NAALADL2: variants seen among roughly 807,000 people sequenced by gnomAD.
NAALADL2 encodes the protein N-acetylated alpha-linked acidic dipeptidase like 2, also known as inactive N-acetylated-alpha-linked acidic dipeptidase-like protein 2.
NAALADL2 carries 76 observed loss-of-function variants against 87.2 expected under a neutral mutation model. The ratio of observed to expected loss-of-function variants is 0.87; its 90% CI spans 0.72 to 1.05. The LOEUF (loss-of-function observed/expected upper bound fraction) is 1.05. NAALADL2 is among the 50% of genes least tolerant of loss of function. NAALADL2 has a pLI of 0.00. For synonymous variants in NAALADL2, 354 were observed against 331.0 expected (o/e 1.07, Z -0.75); for missense variants, 1,089 against 945.8 (o/e 1.15, Z -1.99).
intron 4 of NAALADL2, among the ~76,000 whole-genome samples, chr3:175,292,593 T>TACAC (rs71164627): frequency 0.091 from 13,198 of 145,242 alleles, 1,589 homozygotes; most frequent in African/African-American, 0.29. Context: ...TGAGTTGGGA[T>TACAC]ACACACACAC....
At chr3:174,822,573 G>GCTAGAGAAAATCAGCTCAGAAAAGT (rs1223628492) in intron 3 of NAALADL2, among the ~76,000 whole-genome samples, 1 of 152,136 alleles carries the variant, frequency 6.6e-6, no homozygotes, top group African/African-American at 2.4e-5. Flanking sequence ...AAGGGAGAAG[G>GCTAGAGAAAATCAGCTCAGAAAAGT]CTAGAGAAAA....
At position 174,801,334 on chromosome 3, in the gene NAALADL2, AAG is replaced by A. The variant is rs140161547; in HGVS notation, c.-9+63591_-9+63592del. 1.3e-4 allele frequency among the ~76,000 whole-genome samples: 20 copies of A among 152,286 alleles called. No individual in the cohort carries two copies. In the East Asian group the frequency reaches 3.9e-3, roughly 29 times the overall value. On this transcript the variant is annotated intron_variant, in intron 3 of 3. Transcript: ENST00000434257. Reference sequence around the variant, plus strand: ...TCTCATGAGATCTGATGGTTTGATAAAGAGGAGTTCCCCTGCACAAGCTCTCT... The same window carrying A: ...TCTCATGAGATCTGATGGTTTGATAAAGGAGTTCCCCTGCACAAGCTCTCT...
intron 1 of NAALADL2, among the ~76,000 whole-genome samples, chr3:175,080,585 A>G (rs76599431): frequency 0.045 from 6,874 of 152,302 alleles, 510 homozygotes; most frequent in African/African-American, 0.16. Context: ...TTTTATATAC[A>G]AAGCATTGAA....
intron 12 of NAALADL2, among the ~76,000 whole-genome samples, chr3:175,747,080 C>A (rs1030617225): frequency 1.3e-5 from 2 of 152,316 alleles, no homozygotes; most frequent in African/African-American, 4.8e-5. Context: ...GCAGCTGGCT[C>A]TTTAAGGCTG....
chr3:175,741,026 AG>A (rs1316107975), intron 12 of NAALADL2, among the ~76,000 whole-genome samples: 2 of 152,134 alleles, frequency 1.3e-5, no homozygotes, highest in African/African-American at 4.8e-5. Flanking sequence ...CACACAAGAG[AG>A]TAAAGGGAGA....
Position 175,262,685 on chromosome 3 carries a change from A to G in NAALADL2, c.939+6155A>G, listed in dbSNP as rs1046063002. ...GGCCAAAAAGATAGGAAAGAAGAGA[A>G]AGACACCTTTCCTATTGAAGCTTTT... On this transcript the variant is annotated intron_variant, in intron 4 of 13. Transcript: ENST00000454872. Among the ~76,000 whole-genome samples, 14 of 151,474 alleles carry G rather than the reference A, an allele frequency of 9.2e-5. No homozygotes were observed. The South Asian group carries it at 1.2e-3, about 13-fold the overall frequency.
chr3:175,187,946 A>G (rs1052480460), intron 2 of NAALADL2, among the ~76,000 whole-genome samples: 22 of 151,966 alleles, frequency 1.4e-4, no homozygotes, highest in African/African-American at 5.3e-4. Flanking sequence ...TTTCTTCTCC[A>G]TTTTTCCTGT....
chr3:175,264,852 G>C (rs570603139), intron 4 of NAALADL2, among the ~76,000 whole-genome samples: 1 of 151,494 alleles, frequency 6.6e-6, no homozygotes, highest in Non-Finnish European at 1.5e-5. Flanking sequence ...TTATAGAATA[G>C]TTTTATTCTA....
intron 1 of NAALADL2, among the ~76,000 whole-genome samples, chr3:174,976,144 ATATAC>A (rs1157961827): frequency 6.6e-6 from 1 of 152,230 alleles, no homozygotes; most frequent in Non-Finnish European, 1.5e-5. Flanking sequence ...TTTACAATTA[ATATAC>A]TATAAAATAT....
At chr3:174,891,661 C>T (rs527326821) in intron 1 of NAALADL2, among the ~76,000 whole-genome samples, 4 of 152,262 alleles carry the variant, frequency 2.6e-5, no homozygotes, top group African/African-American at 7.2e-5. Context: ...TGAGTTCTGG[C>T]AATCCTTGCC....
intron 10 of NAALADL2, among the ~76,000 whole-genome samples, chr3:175,597,077 A>C (rs1560823532): frequency 3.9e-5 from 6 of 151,988 alleles, no homozygotes; most frequent in Non-Finnish European, 1.5e-5. Flanking sequence ...AATGACTTTT[A>C]TTTCTTCTGA....
chr3:174,733,641 CA>C (rs1321653309), intron 2 of NAALADL2, among the ~76,000 whole-genome samples: 2 of 152,180 alleles, frequency 1.3e-5, no homozygotes, highest in Admixed American at 1.3e-4. Flanking sequence ...ACCAGGGGTT[CA>C]GTTTGGGTCC....
intron 3 of NAALADL2, among the ~76,000 whole-genome samples, chr3:174,805,248 T>C (rs572910390): frequency 1.3e-5 from 2 of 152,278 alleles, no homozygotes; most frequent in East Asian, 3.9e-4. Flanking sequence ...CAAAATGTGA[T>C]TAAAAGAATG....
At chr3:175,053,710 G>C (rs1466166548) in intron 1 of NAALADL2, among the ~76,000 whole-genome samples, 1 of 152,178 alleles carries the variant, frequency 6.6e-6, no homozygotes, top group African/African-American at 2.4e-5. Flanking sequence ...GTTTGCCAAA[G>C]AGAATTAGGT....
intron 9 of NAALADL2, among the ~76,000 whole-genome samples, chr3:175,481,020 T>C (rs767619751): frequency 2.0e-5 from 3 of 151,898 alleles, no homozygotes; most frequent in Non-Finnish European, 4.4e-5. Flanking sequence ...CTTTGTGTAA[T>C]GCATGCAGAT....
At chr3:175,217,692 T>G (rs1343980393) in intron 2 of NAALADL2, among the ~76,000 whole-genome samples, 1 of 152,202 alleles carries the variant, frequency 6.6e-6, no homozygotes. Flanking sequence ...AAGCTCTAGT[T>G]TTAACCACAT....
At chr3:175,479,933 A>T (rs1029854849) in intron 9 of NAALADL2, among the ~76,000 whole-genome samples, 11 of 151,780 alleles carry the variant, frequency 7.2e-5, no homozygotes, top group African/African-American at 2.7e-4. Context: ...AAACAATTTC[A>T]ATTCAGCCTA....
At chr3:174,458,632 G>A (rs1029446193) in intron 1 of NAALADL2, 2 of 152,190 alleles carry the variant, frequency 1.3e-5, no homozygotes, top group Non-Finnish European at 2.9e-5. Context: ...GGATTGTGAA[G>A]TCTTTGTCCA....
In NAALADL2 at chr3:175,339,434, T is replaced by C. The variant is rs138184067; in HGVS notation, c.1090+15109T>C. On this transcript the variant is annotated intron_variant, in intron 5 of 13. Coordinates refer to ENST00000454872, the MANE Select transcript of NAALADL2 (RefSeq NM_207015.3). ...TCACTGGAAGGGATCTTAGAGGTTA[T>C]AAATACAATCTGTTCTGTATAAAAA... is the stretch of plus-strand genomic sequence containing the variant. Among the ~76,000 whole-genome samples the C allele has an allele frequency of 3.0e-3, 463 of 152,354 alleles. 3 individuals carry two copies. The highest frequency in any genetic ancestry group is 5.6e-3 in the Non-Finnish European group (382 of 68,032).
Sources: gnomAD v4.1 joint callset for allele counts (sites outside exome capture counted in the v4.1 genomes callset) on GRCh38, gnomAD v4.1.1 for gene constraint, MANE v1.5 for transcripts, NCBI Gene and HGNC (gene_info 2026-07-23, HGNC 2026-07-21) for gene names.